Variants in SFMBT2 observed in about 807,000 individuals in gnomAD.
SFMBT2 encodes the protein Scm like with four mbt domains 2, also known as scm-like with four MBT domains protein 2.
SFMBT2 carries 38 observed loss-of-function variants against 110.1 expected under a neutral mutation model. That is an observed-to-expected ratio of 0.35 (90% CI 0.27 to 0.45). SFMBT2 has a LOEUF of 0.45. Among genes scored for constraint, SFMBT2 ranks in the 20% least tolerant of loss-of-function variants. The probability of loss-of-function intolerance (pLI) is 1.00; values close to 1 mark genes in which losing one functional copy is unlikely to be tolerated. For missense variants in SFMBT2, 1,011 were observed against 1,094.9 expected (o/e 0.92, Z 1.08); for synonymous variants, 425 against 425.4 (o/e 1.00, Z 0.01).
chr10:7,366,942 G>A (rs1319525517), intron 4 of SFMBT2, among the ~76,000 whole-genome samples: 1 of 152,124 alleles, frequency 6.6e-6, no homozygotes, highest in Admixed American at 6.5e-5. Flanking sequence ...GTGTCCCCTG[G>A]GGGGTAAAAC....
chr10:7,219,331 A>G (rs1420028807), intron 11 of SFMBT2, among the ~76,000 whole-genome samples: 1 of 152,220 alleles, frequency 6.6e-6, no homozygotes, highest in Admixed American at 6.5e-5. Flanking sequence ...GGGAATTTCC[A>G]TTTATTTCAC....
intron 4 of SFMBT2, among the ~76,000 whole-genome samples, chr10:7,353,733 T>C (rs1052821270): frequency 6.6e-6 from 1 of 152,200 alleles, no homozygotes; most frequent in Non-Finnish European, 1.5e-5. Context: ...AAAACTCCTA[T>C]ATTACTCCCA....
chr10:7,257,146 G>A (rs909273891), intron 7 of SFMBT2, among the ~76,000 whole-genome samples: 1 of 145,556 alleles, frequency 6.9e-6, no homozygotes, highest in African/African-American at 2.5e-5. Context: ...AGAAAAAACT[G>A]TACAGTGAGA....
rs1433523287 is a variant in SFMBT2, at chr10:7,378,139, AGTGTATGGATGG to A, written c.100+3648_100+3659del. 3.7e-3 allele frequency among the ~76,000 whole-genome samples: 398 copies of A among 108,604 alleles called. 15 individuals carry two copies. The highest frequency in any genetic ancestry group is 0.013 in the African/African-American group (368 of 27,956). 71.2% of individuals were successfully genotyped at this position (108,604 alleles called of 152,430 possible). ...GATGATGGGTGTGAGTGTGGGTGTG[AGTGTATGGATGG>A]GTGGATGGATGGGTGGATGGATGGG... On this transcript the variant is annotated intron_variant, in intron 2 of 20. Transcript: ENST00000397167.
chr10:7,176,210 T>C (rs373024520), intron 16 of SFMBT2, 45 bp from the exon 17 acceptor site: 4 of 1,591,370 alleles, frequency 2.5e-6, no homozygotes, highest in Non-Finnish European at 3.4e-6. Flanking sequence ...GACCAGATTA[T>C]GATTCAGGCC....
intron 4 of SFMBT2, among the ~76,000 whole-genome samples, chr10:7,290,306 A>ATTTTTTT (rs1257801077): frequency 6.6e-6 from 1 of 151,976 alleles, no homozygotes; most frequent in African/African-American, 2.4e-5. Context: ...TCTCATGAAC[A>ATTTTTTT]TTTTTTCAAG....
chr10:7,389,154 G>T (rs916932606), intron 1 of SFMBT2, among the ~76,000 whole-genome samples: 1 of 152,158 alleles, frequency 6.6e-6, no homozygotes, highest in Non-Finnish European at 1.5e-5. Flanking sequence ...TGTGGAAACA[G>T]ATAATTCTTG....
intron 4 of SFMBT2, among the ~76,000 whole-genome samples, chr10:7,340,173 G>C (rs1843846471): frequency 6.6e-6 from 1 of 152,190 alleles, no homozygotes; most frequent in Non-Finnish European, 1.5e-5. Flanking sequence ...CAACAAGTAA[G>C]CTAGAGAAAA....
intron 11 of SFMBT2, among the ~76,000 whole-genome samples, chr10:7,207,825 A>G (rs1369201697): frequency 6.6e-6 from 1 of 152,260 alleles, no homozygotes; most frequent in Non-Finnish European, 1.5e-5. Context: ...ATATTGGTGT[A>G]TCTCAGGTGC....
chr10:7,263,967 T>C (rs1475172800), intron 7 of SFMBT2: 7 of 210,928 alleles, frequency 3.3e-5, no homozygotes, highest in Non-Finnish European at 5.8e-5. Context: ...AAGGGTTAAA[T>C]CTATAATCAC....
chr10:7,327,100 G>C (rs1426559473), intron 4 of SFMBT2, among the ~76,000 whole-genome samples: 1 of 148,156 alleles, frequency 6.7e-6, no homozygotes, highest in Admixed American at 6.7e-5. Flanking sequence ...TCTAATTTGG[G>C]CCACCAGACC....
chr10:7,289,747 A>G (rs1051701163), intron 4 of SFMBT2, among the ~76,000 whole-genome samples: 1 of 152,242 alleles, frequency 6.6e-6, no homozygotes, highest in African/African-American at 2.4e-5. Context: ...AACCTATTAC[A>G]ATAAATATTG....
At chr10:7,349,450 T>C (rs1157511701) in intron 4 of SFMBT2, among the ~76,000 whole-genome samples, 6 of 124,418 alleles carry the variant, frequency 4.8e-5, no homozygotes, top group Non-Finnish European at 1.0e-4. Context: ...CTTTTTTTTT[T>C]TTTTTTTTTT....
intron 4 of SFMBT2, among the ~76,000 whole-genome samples, chr10:7,359,063 T>C (rs1022633082): frequency 2.7e-5 from 4 of 150,016 alleles, no homozygotes; most frequent in African/African-American, 9.8e-5. Context: ...CGAAGAAGAG[T>C]GAACAGGTGG....
At chr10:7,407,205 T>C (rs1436543285) in intron 1 of SFMBT2, among the ~76,000 whole-genome samples, 2 of 151,510 alleles carry the variant, frequency 1.3e-5, no homozygotes, top group African/African-American at 4.9e-5. Context: ...CAACAACGCC[T>C]CTCCCCTCCC....
At chr10:7,189,275 G>T in intron 15 of SFMBT2, 2 of 664,150 alleles carry the variant, frequency 3.0e-6, no homozygotes, top group Non-Finnish European at 3.7e-6. Flanking sequence ...TCTGAAATGT[G>T]AATATTTTAA....
Position 7,370,316 on chromosome 10 carries a change from C to T in SFMBT2, c.160G>A (p.Gly54Arg). 6.2e-7 allele frequency: 1 copy of T among 1,614,168 alleles called. No homozygotes were observed. Among genetic ancestry groups the T allele is most frequent in the African/African-American group, 1.3e-5 (1 of 75,048 alleles). The change falls in exon 3 of 21, where the codon GGA becomes AGA. Residue 54 changes from glycine (G) to arginine (R), a missense_variant. This residue lies in a region of SFMBT2 where 979 missense variants were observed against 1,016.1 expected (regional missense o/e 0.96). Coordinates refer to ENST00000397167, the MANE Select transcript of SFMBT2 (RefSeq NM_001387889.1). Reference protein sequence around the residue: ...FNWGEYLEETGASAAPHTSFK... With the variant: ...FNWGEYLEETRASAAPHTSFK... ...GATGTGTGGGGAGCAGCACTTGCTCCTGTCTCTTCCAAATATTCTCCCCAG... is the reference window on the plus strand; with the variant it reads ...GATGTGTGGGGAGCAGCACTTGCTCTTGTCTCTTCCAAATATTCTCCCCAG...
intron 8 of SFMBT2, among the ~76,000 whole-genome samples, chr10:7,244,992 T>G (rs1391553151): frequency 1.3e-5 from 2 of 152,106 alleles, no homozygotes; most frequent in Non-Finnish European, 2.9e-5. Flanking sequence ...TTCTATCATT[T>G]TCACTCTGCT....
chr10:7,227,972 A>G, intron 9 of SFMBT2, 35 bp from the exon 10 acceptor site: 2 of 1,508,948 alleles, frequency 1.3e-6, no homozygotes, highest in Non-Finnish European at 1.8e-6. Context: ...AACAGCGCAC[A>G]TTAAGCAAAA....
Sources: allele counts gnomAD v4.1 joint callset (sites outside exome capture counted in the v4.1 genomes callset), GRCh38; gene constraint gnomAD v4.1.1; regional missense constraint gnomAD v4.1.1; transcripts MANE v1.5; gene names NCBI Gene and HGNC (gene_info 2026-07-23, HGNC 2026-07-21).